Variants in PDE7A observed in about 807,000 individuals in gnomAD.
PDE7A encodes phosphodiesterase 7A.
In PDE7A, 39 loss-of-function variants were observed where a neutral mutation model predicts 64.3. The ratio of observed to expected loss-of-function variants is 0.61; its 90% CI spans 0.47 to 0.79. The LOEUF is 0.79. Among genes scored for constraint, PDE7A ranks in the 30% least tolerant of loss-of-function variants. The pLI is 0.00. For synonymous variants in PDE7A, 203 were observed against 206.8 expected (o/e 0.98, Z 0.16); for missense variants, 470 against 582.8 (o/e 0.81, Z 1.99).
Position 65,739,493 on chromosome 8 carries a change from A to G in PDE7A, c.595+9T>C. 1 of 1,548,616 alleles carries G rather than the reference A, an allele frequency of 6.5e-7. No homozygotes were observed. Among genetic ancestry groups the G allele is most frequent in the Non-Finnish European group, 8.7e-7 (1 of 1,155,516 alleles). On this transcript the variant is annotated intron_variant, in intron 6 of 12. Coordinates refer to ENST00000401827, the MANE Select transcript of PDE7A (RefSeq NM_001242318.3). The stretch of plus-strand genomic sequence containing the variant: ...ATCTTGTTACTGTTAATGGGTTAGA[A>G]TCACTTACCTAAAAATCTACGAAGT...
chr8:65,785,848 T>C (rs527796953), intron 1 of PDE7A, among the ~76,000 whole-genome samples: 1 of 152,028 alleles, frequency 6.6e-6, no homozygotes, highest in African/African-American at 2.4e-5. Context: ...TTTTTTTTAA[T>C]GTAGGAAGGG....
intron 3 of PDE7A, among the ~76,000 whole-genome samples, chr8:65,774,470 G>A (rs1809200687): frequency 6.6e-6 from 1 of 152,148 alleles, no homozygotes; most frequent in Admixed American, 6.5e-5. Flanking sequence ...GGCTTTTAGA[G>A]AGATAACTCT....
intron 7 of PDE7A, 101 bp downstream of exon 7, chr8:65,734,691 CTG>C: frequency 1.4e-6 from 1 of 693,192 alleles, no homozygotes; most frequent in Middle Eastern, 2.5e-4. Flanking sequence ...TGAAGGAAGT[CTG>C]TGATTTTCAG....
chr8:65,730,229 G>T (rs1451506328), intron 7 of PDE7A, among the ~76,000 whole-genome samples: 3 of 126,600 alleles, frequency 2.4e-5, no homozygotes, highest in Non-Finnish European at 4.8e-5. Flanking sequence ...TGCCCAGGCT[G>T]CAGAGTAATG....
At chr8:65,804,727 C>A (rs893830438) in intron 1 of PDE7A, among the ~76,000 whole-genome samples, 1 of 151,934 alleles carries the variant, frequency 6.6e-6, no homozygotes, top group Non-Finnish European at 1.5e-5. Context: ...TTAGTAGAGA[C>A]AGGGTTTCAC....
intron 3 of PDE7A, among the ~76,000 whole-genome samples, chr8:65,757,626 G>GT (rs1160207485): frequency 6.6e-6 from 1 of 151,788 alleles, no homozygotes; most frequent in Non-Finnish European, 1.5e-5. Context: ...GTTTTGTTTT[G>GT]TTTGTTTTTT....
intron 3 of PDE7A, among the ~76,000 whole-genome samples, chr8:65,771,518 C>A (rs1016476782): frequency 6.6e-6 from 1 of 152,184 alleles, no homozygotes; most frequent in African/African-American, 2.4e-5. Flanking sequence ...CTCTCTCTCT[C>A]TTTAAAAAGA....
intron 3 of PDE7A, among the ~76,000 whole-genome samples, chr8:65,759,574 T>G (rs1808397680): frequency 6.6e-6 from 1 of 152,238 alleles, no homozygotes. Context: ...TGACTCTAAG[T>G]GTCCAATCAG....
intron 3 of PDE7A, among the ~76,000 whole-genome samples, chr8:65,758,087 T>G (rs972650428): frequency 6.6e-6 from 1 of 152,252 alleles, no homozygotes; most frequent in Non-Finnish European, 1.5e-5. Flanking sequence ...TAGTCCAGAT[T>G]GCTGGTTGTA....
chr8:65,829,206 A>G (rs1238047771), intron 1 of PDE7A, among the ~76,000 whole-genome samples: 1 of 152,152 alleles, frequency 6.6e-6, no homozygotes, highest in Non-Finnish European at 1.5e-5. Flanking sequence ...CCCCAAGGTG[A>G]AAATGGCTTC....
intron 1 of PDE7A, among the ~76,000 whole-genome samples, chr8:65,783,893 C>T (rs747738332): frequency 6.6e-6 from 1 of 151,980 alleles, no homozygotes; most frequent in Non-Finnish European, 1.5e-5. Context: ...ATTGATCAAA[C>T]CAGAGCTTAG....
intron 3 of PDE7A, 151 bp from the exon 4 acceptor site, chr8:65,747,954 CTATTT>C (rs775977019): frequency 1.9e-5 from 9 of 480,402 alleles, no homozygotes; most frequent in South Asian, 4.2e-5. Flanking sequence ...TACTTTATTT[CTATTT>C]TATTTTATTT....
intron 3 of PDE7A, among the ~76,000 whole-genome samples, chr8:65,769,450 T>A (rs917406112): frequency 6.6e-6 from 1 of 152,206 alleles, no homozygotes; most frequent in Non-Finnish European, 1.5e-5. Flanking sequence ...GAGAAACTAC[T>A]TCTTGGCTAG....
chr8:65,751,199 C>A (rs78843427), intron 3 of PDE7A, among the ~76,000 whole-genome samples: 2 of 152,250 alleles, frequency 1.3e-5, no homozygotes, highest in Admixed American at 1.3e-4. Context: ...GAAAATCCCA[C>A]GAGACTTTGC....
intron 9 of PDE7A, chr8:65,725,350 T>C (rs916767591): frequency 6.4e-6 from 1 of 155,872 alleles, no homozygotes; most frequent in African/African-American, 2.4e-5. Context: ...AAGATTCAAA[T>C]AGAAAGAATA....
At chr8:65,798,194 A>AT (rs1224532591) in intron 1 of PDE7A, among the ~76,000 whole-genome samples, 1 of 21,922 alleles carries the variant, frequency 4.6e-5, no homozygotes, top group African/African-American at 2.3e-4. Context: ...ATATATATAT[A>AT]TATATATATA....
rs116457487 is a variant in PDE7A, at chr8:65,796,284, C to T, written c.139-13441G>A. 5.9e-3 allele frequency among the ~76,000 whole-genome samples: 891 copies of T among 152,014 alleles called. 9 individuals carry two copies. The highest frequency in any genetic ancestry group is 0.02 in the African/African-American group (844 of 41,482). On this transcript the variant is annotated intron_variant, in intron 1 of 12. Transcript: ENST00000401827. ...TTCTCATCTGATAACAACTATCAATCCATATGTCAAAGCAGGTTAAACGAA... is the reference window on the plus strand; with the variant it reads ...TTCTCATCTGATAACAACTATCAATTCATATGTCAAAGCAGGTTAAACGAA...
intron 3 of PDE7A, among the ~76,000 whole-genome samples, chr8:65,768,472 G>C (rs767854298): frequency 1.3e-5 from 2 of 152,182 alleles, no homozygotes; most frequent in Non-Finnish European, 2.9e-5. Flanking sequence ...CTCTTGCCTT[G>C]TCTGCTGCCA....
rs142964914 is a variant in PDE7A, at chr8:65,832,946, T to G, written c.138+8425A>C. Among the ~76,000 whole-genome samples the G allele has an allele frequency of 5.8e-3, 891 of 152,342 alleles. 9 individuals carry two copies. Among genetic ancestry groups the G allele is most frequent in the African/African-American group, 0.02 (842 of 41,572 alleles). ...AGGAAGTAGAAGAGAGTACACAGGCTTTAGAGTCAGCATGACCTAGAGTTT... is the reference window on the plus strand; with the variant it reads ...AGGAAGTAGAAGAGAGTACACAGGCGTTAGAGTCAGCATGACCTAGAGTTT... On this transcript the variant is annotated intron_variant, in intron 1 of 12. Transcript: ENST00000401827.
Sources: allele counts gnomAD v4.1 joint callset (sites outside exome capture counted in the v4.1 genomes callset), GRCh38; gene constraint gnomAD v4.1.1; transcripts MANE v1.5; gene names NCBI Gene and HGNC (gene_info 2026-07-23, HGNC 2026-07-21).